ADAMTSL1: variants seen among roughly 807,000 people sequenced by gnomAD.
The protein encoded by ADAMTSL1 is ADAMTS-like protein 1.
Under a neutral mutation model 201.8 loss-of-function variants are expected in ADAMTSL1, and 126 were observed. The observed-to-expected ratio is 0.62, with a 90% confidence interval of 0.54 to 0.72. ADAMTSL1 has a LOEUF of 0.72. ADAMTSL1 is among the 30% of genes least tolerant of loss of function. The pLI, the probability that ADAMTSL1 is intolerant of heterozygous loss-of-function variation, is 0.00. For synonymous variants in ADAMTSL1, 1,121 were observed against 903.4 expected (o/e 1.24, Z -4.32); for missense variants, 2,679 against 2,277.8 (o/e 1.18, Z -3.59).
chr9:18,834,965 T>A (rs1825221381), intron 23 of ADAMTSL1, among the ~76,000 whole-genome samples: 1 of 152,214 alleles, frequency 6.6e-6, no homozygotes, highest in African/African-American at 2.4e-5. Flanking sequence ...ATAGTTTCAT[T>A]TCTCTTGGTT....
chr9:18,474,439 G>C (rs1222643742), intron 1 of ADAMTSL1, 144 bp downstream of exon 1: 3 of 849,696 alleles, frequency 3.5e-6, no homozygotes, highest in East Asian at 2.5e-5. Flanking sequence ...ATTACAAAGA[G>C]AGAATACTCC....
At chr9:18,774,277 G>A (rs118095126) in intron 17 of ADAMTSL1, among the ~76,000 whole-genome samples, 1 of 151,864 alleles carries the variant, frequency 6.6e-6, no homozygotes, top group Non-Finnish European at 1.5e-5. Context: ...GCTTCCCACT[G>A]CCTTATGGAC....
intron 2 of ADAMTSL1, among the ~76,000 whole-genome samples, chr9:18,216,621 C>T (rs1209267935): frequency 6.6e-6 from 1 of 150,822 alleles, no homozygotes; most frequent in Non-Finnish European, 1.5e-5. Context: ...TTTGGGCACG[C>T]AGCAGTGACA....
rs77073834 is a variant in ADAMTSL1, at chr9:18,301,756, A to G, written c.207+137775A>G. On this transcript the variant is annotated intron_variant, in intron 2 of 29. Coordinates refer to the ADAMTSL1 transcript ENST00000680146. ...AAATACTAGAATACATTGCTAAGAA[A>G]TTAGAAAATGTACTAACCTTATGGG... Among the ~76,000 whole-genome samples, 1,413 of 152,334 alleles carry G rather than the reference A, an allele frequency of 9.3e-3. 23 individuals are homozygous for G. The highest frequency in any genetic ancestry group is 0.033 in the African/African-American group (1,359 of 41,572).
At chr9:18,782,717 G>T (rs1821469191) in intron 19 of ADAMTSL1, among the ~76,000 whole-genome samples, 1 of 152,212 alleles carries the variant, frequency 6.6e-6, no homozygotes, top group African/African-American at 2.4e-5. Flanking sequence ...GCTTTAGATG[G>T]ATGTGCTAAG....
chr9:18,073,630 C>G (rs569511708), intron 1 of ADAMTSL1, among the ~76,000 whole-genome samples: 15 of 152,220 alleles, frequency 9.9e-5, no homozygotes, highest in African/African-American at 3.1e-4. Context: ...AACACTTTCA[C>G]GTATAACTAT....
At chr9:18,483,172 A>C (rs1208597037) in intron 1 of ADAMTSL1, among the ~76,000 whole-genome samples, 1 of 152,226 alleles carries the variant, frequency 6.6e-6, no homozygotes, top group African/African-American at 2.4e-5. Context: ...CACCAGACAA[A>C]GAGTTTGATA....
intron 1 of ADAMTSL1, among the ~76,000 whole-genome samples, chr9:18,123,389 A>G (rs1032245462): frequency 6.6e-6 from 1 of 152,208 alleles, no homozygotes; most frequent in Non-Finnish European, 1.5e-5. Flanking sequence ...ATATTATGCT[A>G]TTATGCTTTT....
intron 3 of ADAMTSL1, among the ~76,000 whole-genome samples, chr9:18,542,223 A>G (rs1432530018): frequency 2.6e-5 from 4 of 152,340 alleles, no homozygotes; most frequent in African/African-American, 9.6e-5. Context: ...GGGAGAAAAC[A>G]TTTTATACAT....
chr9:17,918,334 A>T lies in ADAMTSL1; in HGVS notation c.87+11412A>T, dbSNP rs1588413297. Among the ~76,000 whole-genome samples, 7 of 78,506 alleles carry T rather than the reference A, an allele frequency of 8.9e-5. No homozygotes were observed. The South Asian group carries it at 2.7e-3, about 30-fold the overall frequency. 51.5% of individuals were successfully genotyped at this position (78,506 alleles called of 152,430 possible). On this transcript the variant is annotated intron_variant, in intron 1 of 29. Coordinates refer to the ADAMTSL1 transcript ENST00000680146. ...TTAGAGGCATATCATAAATTTCTAT[A>T]TGTATTTTTTTTTCAGTTCATAGTA...
At chr9:18,562,867 A>G (rs1821615704) in intron 3 of ADAMTSL1, among the ~76,000 whole-genome samples, 1 of 152,154 alleles carries the variant, frequency 6.6e-6, no homozygotes, top group Non-Finnish European at 1.5e-5. Flanking sequence ...CAGCACCATC[A>G]GGTCATTTAT....
intron 2 of ADAMTSL1, among the ~76,000 whole-genome samples, chr9:18,416,628 T>C (rs1432369836): frequency 6.6e-6 from 1 of 152,020 alleles, no homozygotes; most frequent in Admixed American, 6.6e-5. Flanking sequence ...ACATTTGATA[T>C]ATTAATATCA....
chr9:18,261,424 G>C (rs1336759841), intron 2 of ADAMTSL1, among the ~76,000 whole-genome samples: 1 of 152,146 alleles, frequency 6.6e-6, no homozygotes, highest in Non-Finnish European at 1.5e-5. Context: ...GGCAAGTAAA[G>C]TGATTTTCCT....
At chr9:18,817,421 T>C (rs1476369310) in intron 21 of ADAMTSL1, among the ~76,000 whole-genome samples, 184 bp downstream of exon 21, 1 of 152,262 alleles carries the variant, frequency 6.6e-6, no homozygotes, top group Non-Finnish European at 1.5e-5. Context: ...GAAAGATTAA[T>C]TCTGACTGGG....
At chr9:18,096,031 A>G (rs933181513) in intron 1 of ADAMTSL1, among the ~76,000 whole-genome samples, 1 of 152,142 alleles carries the variant, frequency 6.6e-6, no homozygotes, top group African/African-American at 2.4e-5. Flanking sequence ...TGTCAGGAGC[A>G]TAGGGGATAA....
At chr9:18,100,469 A>G (rs559971407) in intron 1 of ADAMTSL1, among the ~76,000 whole-genome samples, 26 of 152,232 alleles carry the variant, frequency 1.7e-4, no homozygotes, top group South Asian at 8.3e-4. Flanking sequence ...ATGCCTGGCT[A>G]ATTTCCCTGA....
chr9:18,799,101 A>G (rs1451864228), intron 20 of ADAMTSL1, among the ~76,000 whole-genome samples: 1 of 152,110 alleles, frequency 6.6e-6, no homozygotes, highest in African/African-American at 2.4e-5. Context: ...AGCCATTTAG[A>G]CCAAATGGCA....
intron 1 of ADAMTSL1, among the ~76,000 whole-genome samples, chr9:17,998,069 T>C (rs757646674): frequency 6.6e-6 from 1 of 152,096 alleles, no homozygotes; most frequent in Admixed American, 6.6e-5. Context: ...TAATAAAAAT[T>C]GGACTACTTA....
chr9:18,795,606 T>G, intron 20 of ADAMTSL1, 82 bp downstream of exon 20: 1 of 1,435,602 alleles, frequency 7.0e-7, no homozygotes, highest in Non-Finnish European at 9.4e-7. Context: ...GGCCCAGAGA[T>G]GCATAGATAA....
Sources: allele counts gnomAD v4.1 joint callset (sites outside exome capture counted in the v4.1 genomes callset), GRCh38; gene constraint gnomAD v4.1.1; transcripts MANE v1.5; gene names NCBI Gene and HGNC (gene_info 2026-07-23, HGNC 2026-07-21).